DCHS2: variants seen among roughly 807,000 people sequenced by gnomAD.
DCHS2 encodes the protein dachsous cadherin-related 2, also known as protocadherin-23.
Under a neutral mutation model 182.4 loss-of-function variants are expected in DCHS2, and 142 were observed. The observed-to-expected ratio is 0.78, with a 90% CI of 0.68 to 0.89. The LOEUF (loss-of-function observed/expected upper bound fraction) is 0.89. DCHS2 is among the 40% of genes least tolerant of loss of function. The probability of loss-of-function intolerance (pLI) is 0.00; values close to 1 mark genes in which losing one functional copy is unlikely to be tolerated. For missense variants in DCHS2, 4,319 were observed against 4,198.6 expected (o/e 1.03, Z -0.79); for synonymous variants, 1,740 against 1,663.3 (o/e 1.05, Z -1.12).
intron 2 of DCHS2, among the ~76,000 whole-genome samples, chr4:154,376,362 T>C (rs746025992): frequency 6.6e-6 from 1 of 152,076 alleles, no homozygotes; most frequent in Non-Finnish European, 1.5e-5. Context: ...TTGAAATACA[T>C]CAAATTTTTT....
chr4:154,247,959 T>G (rs916486385), intron 16 of DCHS2, among the ~76,000 whole-genome samples: 3 of 152,140 alleles, frequency 2.0e-5, no homozygotes, highest in African/African-American at 7.2e-5. Flanking sequence ...AGCCTTGCAA[T>G]AGGTTTATTA....
chr4:154,490,082 C>G lies in DCHS2; in HGVS notation c.1274G>C (p.Arg425Pro). The G allele has an allele frequency of 1.9e-6, 3 of 1,549,546 alleles. No individual in the cohort carries two copies. The highest frequency in any genetic ancestry group is 2.6e-6 in the Non-Finnish European group (3 of 1,146,792). Reference sequence around the variant, plus strand: ...GCCCGGTCGGGCGCCTTCAGAGACACGGGCGACGCCTCCCTCTGTGAGAAA... The same window carrying G: ...GCCCGGTCGGGCGCCTTCAGAGACAGGGGCGACGCCTCCCTCTGTGAGAAA... ...VLFLTEGGVARVSEGARPGDY... is the reference protein window; with the variant it reads ...VLFLTEGGVAPVSEGARPGDY... Residue 425 changes from arginine to proline, a missense_variant, in exon 1 of 20, where the codon CGT becomes CCT. Coordinates refer to ENST00000357232, the MANE Select transcript of DCHS2 (RefSeq NM_001358235.2).
chr4:154,344,807 T>C (rs1729282377), intron 3 of DCHS2, among the ~76,000 whole-genome samples: 1 of 152,150 alleles, frequency 6.6e-6, no homozygotes, highest in Non-Finnish European at 1.5e-5. Context: ...AGAGGATTAG[T>C]GCAGAGCTAC....
At chr4:154,472,622 A>T (rs1247789338) in intron 1 of DCHS2, among the ~76,000 whole-genome samples, 1 of 152,240 alleles carries the variant, frequency 6.6e-6, no homozygotes, top group Non-Finnish European at 1.5e-5. Flanking sequence ...AACGTCTACA[A>T]TTAAGTTCAT....
intron 3 of DCHS2, among the ~76,000 whole-genome samples, chr4:154,361,171 T>G (rs1391019010): frequency 6.6e-6 from 1 of 152,110 alleles, no homozygotes; most frequent in Non-Finnish European, 1.5e-5. Context: ...GTTGCCTGAA[T>G]AAAAGAGATA....
chr4:154,340,734 A>AAAGGAAAAGGG (rs1729024083), intron 3 of DCHS2, among the ~76,000 whole-genome samples: 1 of 152,218 alleles, frequency 6.6e-6, no homozygotes, highest in Admixed American at 6.5e-5. Flanking sequence ...AATTTGAAGG[A>AAAGGAAAAGGG]AAGGAAAAGG....
chr4:154,303,524 G>T (rs1735303815), intron 12 of DCHS2, among the ~76,000 whole-genome samples: 4 of 146,838 alleles, frequency 2.7e-5, no homozygotes, highest in Admixed American at 2.7e-4. Flanking sequence ...CACTGGCAGA[G>T]ACTAGCAGAA....
At chr4:154,361,748 C>T (rs945054926) in intron 3 of DCHS2, among the ~76,000 whole-genome samples, 1 of 152,030 alleles carries the variant, frequency 6.6e-6, no homozygotes, top group Admixed American at 6.6e-5. Flanking sequence ...CATCGCCACA[C>T]CCCCTTCTAG....
In DCHS2 at chr4:154,306,545, C is replaced by CA. The variant is rs896250287; in HGVS notation, c.5261-1315dup. On this transcript the variant is annotated intron_variant, in intron 10 of 19. Transcript: ENST00000357232. ...ATCTTATATTTACTTTCCTTTTCCTCAAAAAAAAGAGAGAAATATCAGGTG... is the reference window on the plus strand; with the variant it reads ...ATCTTATATTTACTTTCCTTTTCCTCAAAAAAAAAGAGAGAAATATCAGGTG... Among the ~76,000 whole-genome samples the CA allele has an allele frequency of 1.1e-4, 16 of 151,338 alleles. 1 individual carries two copies. Among genetic ancestry groups the CA allele is most frequent in the Middle Eastern group, 3.4e-3 (1 of 292 alleles).
chr4:154,362,581 A>T (rs1441031978), intron 3 of DCHS2, among the ~76,000 whole-genome samples: 2 of 152,156 alleles, frequency 1.3e-5, no homozygotes, highest in East Asian at 3.9e-4. Context: ...GAAGAGGAAG[A>T]CTACAGTTGA....
At chr4:154,289,438 G>A (rs932638319) in intron 13 of DCHS2, among the ~76,000 whole-genome samples, 26 of 152,086 alleles carry the variant, frequency 1.7e-4, no homozygotes, top group African/African-American at 5.8e-4. Flanking sequence ...GATCAAAGCT[G>A]TAATAAAAAG....
intron 1 of DCHS2, among the ~76,000 whole-genome samples, chr4:154,417,247 G>GAGAGAGAGAGAGAGAGAGAC (rs1396510277): frequency 7.0e-6 from 1 of 142,056 alleles, no homozygotes; most frequent in Non-Finnish European, 1.5e-5. Context: ...GAGAGAGAGA[G>GAGAGAGAGAGAGAGAGAGAC]AGAGACCAGT....
chr4:154,394,481 T>C (rs942393764), intron 1 of DCHS2, among the ~76,000 whole-genome samples: 2 of 152,160 alleles, frequency 1.3e-5, no homozygotes, highest in Admixed American at 1.3e-4. Context: ...ATTCTCTTGG[T>C]TACAAGTAAC....
At chr4:154,335,624 A>G (rs986400040) in intron 3 of DCHS2, among the ~76,000 whole-genome samples, 8 of 152,188 alleles carry the variant, frequency 5.3e-5, no homozygotes, top group African/African-American at 1.9e-4. Flanking sequence ...GGGACTTGCC[A>G]GCCTTCATAA....
At chr4:154,355,862 T>A (rs1320630231) in intron 3 of DCHS2, 1 of 152,252 alleles carries the variant, frequency 6.6e-6, no homozygotes, top group African/African-American at 2.4e-5. Flanking sequence ...TATAAAAGTA[T>A]GGCACATGCT....
At chr4:154,239,046 G>A (rs1731671622) in intron 19 of DCHS2, 124 bp downstream of exon 19, 1 of 1,293,586 alleles carries the variant, frequency 7.7e-7, no homozygotes, top group African/African-American at 1.5e-5. Context: ...AAACAGTCGT[G>A]CTTATAATTC....
intron 13 of DCHS2, among the ~76,000 whole-genome samples, chr4:154,290,026 T>C (rs1734580496): frequency 6.6e-6 from 1 of 152,094 alleles, no homozygotes; most frequent in Admixed American, 6.6e-5. Flanking sequence ...GATGATATGA[T>C]CTTATATTTG....
In DCHS2 at chr4:154,490,392, C is replaced by T. The variant is rs1434239045; in HGVS notation, c.964G>A (p.Asp322Asn). 2 of 1,533,390 alleles carry T rather than the reference C, an allele frequency of 1.3e-6. No individual in the cohort carries two copies. Among genetic ancestry groups the T allele is most frequent in the Admixed American group, 3.9e-5 (2 of 50,754 alleles). The allele number at this position is 1,533,390 out of a possible 1,614,324, so 95.0% of individuals were successfully genotyped here. A position where few individuals can be genotyped will look rare whatever the true frequency, so the allele number is the denominator to read the frequency against. Reference sequence around the variant, plus strand: ...AAGCCATTGGGCCCCAGGTCGCGGTCGGTGGCGCGCACGCGACAGACCTCG... The same window carrying T: ...AAGCCATTGGGCCCCAGGTCGCGGTTGGTGGCGCGCACGCGACAGACCTCG... The part of the protein sequence containing the change: ...GAEVCRVRAT[D>N]RDLGPNGFVR... Residue 322 changes from aspartate to asparagine, a missense_variant, in exon 1 of 20, where the codon GAC (aspartate) becomes AAC (asparagine). Asp to Asn is a conservative substitution (Grantham distance 23). Transcript: ENST00000357232.
chr4:154,304,844 G>A lies in DCHS2; in HGVS notation c.5430C>T (p.Ser1810=). 2 of 1,613,030 alleles carry A rather than the reference G, an allele frequency of 1.2e-6. No homozygotes were observed. The highest frequency in any genetic ancestry group is 1.7e-6 in the Non-Finnish European group (2 of 1,179,598). ...LVRDGGFPSL[S]STTTILCTVE... Reference sequence around the variant, plus strand: ...CAGTGCAGAGGATTGTTGTGGTGCTGGACAATGAAGGGAATCCCCCATCTC... The same window carrying A: ...CAGTGCAGAGGATTGTTGTGGTGCTAGACAATGAAGGGAATCCCCCATCTC... The change falls in exon 12 of 20, where the codon TCC becomes TCT. Residue 1810 remains serine, a synonymous_variant. Coordinates refer to ENST00000357232, the MANE Select transcript of DCHS2 (RefSeq NM_001358235.2).
Sources: allele counts gnomAD v4.1 joint callset (sites outside exome capture counted in the v4.1 genomes callset), GRCh38; gene constraint gnomAD v4.1.1; transcripts MANE v1.5; gene names NCBI Gene and HGNC (gene_info 2026-07-23, HGNC 2026-07-21).